The following FOXN3 variants were observed in gnomAD, a reference collection of about 807,000 sequenced individuals.
The protein encoded by FOXN3 is forkhead box N3, also known as forkhead box protein N3.
FOXN3 carries 7 observed loss-of-function variants against 38.4 expected under a neutral mutation model. The ratio of observed to expected loss-of-function variants is 0.18; its 90% CI spans 0.10 to 0.34. The LOEUF (loss-of-function observed/expected upper bound fraction) is 0.34, where lower values mean the gene tolerates loss of function less well. FOXN3 is among the 10% of genes least tolerant of loss of function. FOXN3 has a pLI of 1.00. For synonymous variants in FOXN3, 230 were observed against 242.2 expected (o/e 0.95, Z 0.47); for missense variants, 456 against 613.4 (o/e 0.74, Z 2.71).
Position 89,156,329 on chromosome 14 carries a change from A to C in FOXN3, c.*6085T>G, listed in dbSNP as rs1267132089. ...AATATGATTACATACGAAGAATGCA[A>C]AATGCAGGTATGGATGCCTTCCAAG... On this transcript the variant is annotated 3_prime_UTR_variant, in exon 6 of 6. Coordinates refer to ENST00000557258, the MANE Select transcript of FOXN3 (RefSeq NM_005197.4). 2 of 152,670 alleles carry C rather than the reference A, an allele frequency of 1.3e-5. No homozygotes were observed. Among genetic ancestry groups the C allele is most frequent in the African/African-American group, 2.4e-5 (1 of 41,460 alleles). The allele number at this position is 152,670 out of a possible 1,614,324, so 9.5% of individuals were successfully genotyped here. A position where few individuals can be genotyped will look rare whatever the true frequency, so the allele number is the denominator to read the frequency against.
intron 4 of FOXN3, among the ~76,000 whole-genome samples, chr14:89,199,119 C>T (rs1243469640): frequency 6.6e-6 from 1 of 152,180 alleles, no homozygotes; most frequent in Non-Finnish European, 1.5e-5. Context: ...ACGTCATTTG[C>T]CATGAATATT....
At chr14:89,221,770 A>G (rs1884470810) in intron 4 of FOXN3, among the ~76,000 whole-genome samples, 1 of 152,002 alleles carries the variant, frequency 6.6e-6, no homozygotes, top group South Asian at 2.1e-4. Flanking sequence ...TTTATTTTAA[A>G]TATTTTAACC....
At chr14:89,208,143 T>C (rs1268011563) in intron 4 of FOXN3, among the ~76,000 whole-genome samples, 1 of 152,218 alleles carries the variant, frequency 6.6e-6, no homozygotes, top group Non-Finnish European at 1.5e-5. Context: ...ATTATAGTTC[T>C]CTTTTTAAAA....
intron 1 of FOXN3, among the ~76,000 whole-genome samples, chr14:89,540,112 AC>A (rs1326054264): frequency 6.6e-6 from 1 of 152,160 alleles, no homozygotes; most frequent in Non-Finnish European, 1.5e-5. Context: ...TTCTCACGCC[AC>A]TCCTTCAAAT....
intron 1 of FOXN3, among the ~76,000 whole-genome samples, chr14:89,611,498 G>A (rs1041162228): frequency 1.3e-5 from 2 of 152,172 alleles, no homozygotes; most frequent in African/African-American, 4.8e-5. Flanking sequence ...AAGTCAAAAG[G>A]TGAAGACAAA....
intron 1 of FOXN3, among the ~76,000 whole-genome samples, chr14:89,562,322 G>A (rs547023176): frequency 3.1e-4 from 47 of 152,058 alleles, no homozygotes; most frequent in African/African-American, 9.7e-4. Context: ...GTACAGTGGC[G>A]CGATCTTGAC....
intron 1 of FOXN3, among the ~76,000 whole-genome samples, chr14:89,503,702 G>T (rs547528610): frequency 6.6e-6 from 1 of 152,172 alleles, no homozygotes; most frequent in Admixed American, 6.5e-5. Flanking sequence ...AGCCTGGCTC[G>T]GTTACAAGTG....
chr14:89,461,626 T>C (rs1353795509), intron 1 of FOXN3, among the ~76,000 whole-genome samples: 1 of 152,166 alleles, frequency 6.6e-6, no homozygotes. Flanking sequence ...CAAGTCCTTT[T>C]CAAAATGTAG....
chr14:89,607,909 C>T (rs1402493809), intron 1 of FOXN3, among the ~76,000 whole-genome samples: 11 of 151,924 alleles, frequency 7.2e-5, no homozygotes, highest in African/African-American at 1.4e-4. Flanking sequence ...CTCCACCTCC[C>T]GGGTTCAAGC....
chr14:89,278,324 C>T (rs1362724693), intron 4 of FOXN3, among the ~76,000 whole-genome samples: 1 of 152,086 alleles, frequency 6.6e-6, no homozygotes, highest in African/African-American at 2.4e-5. Flanking sequence ...TGGGAAACCG[C>T]CCCATGATTC....
upstream of FOXN3, among the ~76,000 whole-genome samples, chr14:89,418,496 T>G (rs1891820313): frequency 7.3e-6 from 1 of 136,250 alleles, no homozygotes; most frequent in African/African-American, 2.8e-5. Context: ...GATGTGCCTT[T>G]CAGACTCACC....
At chr14:89,546,815 G>A (rs371480807) in intron 1 of FOXN3, among the ~76,000 whole-genome samples, 20 of 151,738 alleles carry the variant, frequency 1.3e-4, no homozygotes, top group African/African-American at 4.4e-4. Context: ...ACAGAGTCTC[G>A]CTCTGTCAGC....
intron 1 of FOXN3, among the ~76,000 whole-genome samples, chr14:89,442,463 C>CT (rs1452076484): frequency 6.6e-6 from 1 of 152,180 alleles, no homozygotes; most frequent in African/African-American, 2.4e-5. Context: ...ATGCTGAGGT[C>CT]TCCTATAACT....
chr14:89,290,350 G>T, intron 3 of FOXN3: 1 of 377,270 alleles, frequency 2.7e-6, no homozygotes, highest in South Asian at 2.2e-5. Context: ...CCCCGAGTTA[G>T]GTATGTGTGG....
chr14:89,440,713 G>A (rs981029868), intron 1 of FOXN3, among the ~76,000 whole-genome samples: 1 of 152,080 alleles, frequency 6.6e-6, no homozygotes, highest in African/African-American at 2.4e-5. Flanking sequence ...ACTCTTTTCG[G>A]ACTCAGCCCA....
At chr14:89,506,540 G>A (rs1227404850) in intron 1 of FOXN3, among the ~76,000 whole-genome samples, 1 of 150,968 alleles carries the variant, frequency 6.6e-6, no homozygotes, top group Admixed American at 6.6e-5. Context: ...CACCCCGTCC[G>A]GGAGGTGAGG....
intron 1 of FOXN3, among the ~76,000 whole-genome samples, chr14:89,559,611 G>A (rs1024024925): frequency 2.0e-5 from 3 of 152,110 alleles, no homozygotes; most frequent in Non-Finnish European, 2.9e-5. Flanking sequence ...AGGAGGCGGA[G>A]GTTGCAGTGA....
At chr14:89,599,000 TTCTC>T (rs1272123053) in intron 1 of FOXN3, among the ~76,000 whole-genome samples, 1 of 152,158 alleles carries the variant, frequency 6.6e-6, no homozygotes, top group African/African-American at 2.4e-5. Flanking sequence ...ATGTCCCACT[TTCTC>T]TCTCCTCTCC....
chr14:89,385,290 T>C (rs571119012), intron 2 of FOXN3, among the ~76,000 whole-genome samples: 160 of 152,080 alleles, frequency 1.1e-3, no homozygotes, highest in African/African-American at 3.7e-3. Flanking sequence ...TATTGGCCAA[T>C]ATCTATAGAG....
Sources: gnomAD v4.1 joint callset for allele counts (sites outside exome capture counted in the v4.1 genomes callset) on GRCh38, gnomAD v4.1.1 for gene constraint, MANE v1.5 for transcripts, NCBI Gene and HGNC (gene_info 2026-07-23, HGNC 2026-07-21) for gene names.